Variants in TBL1XR1 observed in about 807,000 individuals in gnomAD.
The protein encoded by TBL1XR1 is F-box-like/WD repeat-containing protein TBL1XR1.
In TBL1XR1, 5 loss-of-function variants were observed where a neutral mutation model predicts 66.9. The ratio of observed to expected loss-of-function variants is 0.07; its 90% CI spans 0.04 to 0.16. The LOEUF is 0.16. TBL1XR1 is among the 10% of genes least tolerant of loss of function. TBL1XR1 has a pLI of 1.00. For synonymous variants in TBL1XR1, 210 were observed against 206.0 expected (o/e 1.02, Z -0.17); for missense variants, 238 against 623.2 (o/e 0.38, Z 6.58).
rs140373250 is a variant in TBL1XR1 at position 177,137,582 on chromosome 3, A to G, written c.-121-39041T>C. On this transcript the variant is annotated intron_variant, in intron 1 of 15. Coordinates refer to ENST00000457928, the MANE Select transcript of TBL1XR1 (RefSeq NM_024665.7). ...CATGTCTGGGAACATTTACAGTCAT[A>G]AATTAGCCAATTACAGTTCAAGGCA... 3.1e-3 allele frequency among the ~76,000 whole-genome samples: 476 copies of G among 152,360 alleles called. 3 individuals carry two copies. The highest frequency in any genetic ancestry group is 0.011 in the African/African-American group (441 of 41,576).
intron 1 of TBL1XR1, among the ~76,000 whole-genome samples, chr3:177,115,590 T>A (rs1196451532): frequency 6.6e-6 from 1 of 152,036 alleles, no homozygotes; most frequent in African/African-American, 2.4e-5. Context: ...CTGACCCCCC[T>A]TCAATCACAC....
At chr3:177,046,502 C>T (rs1358941844) in intron 9 of TBL1XR1, among the ~76,000 whole-genome samples, 2 of 152,040 alleles carry the variant, frequency 1.3e-5, no homozygotes, top group African/African-American at 4.8e-5. Flanking sequence ...TAATGTAAGA[C>T]TCGTATAGAT....
intron 1 of TBL1XR1, among the ~76,000 whole-genome samples, chr3:177,173,655 T>C (rs62296614): frequency 0.13 from 19,165 of 152,082 alleles, 1,561 homozygotes; most frequent in South Asian, 0.19. Context: ...AGAACCTGGA[T>C]TGGCTATTGG....
chr3:177,178,843 C>T (rs1020432101), intron 1 of TBL1XR1, among the ~76,000 whole-genome samples: 1 of 151,944 alleles, frequency 6.6e-6, no homozygotes, highest in Non-Finnish European at 1.5e-5. Context: ...ATCAGTCAGG[C>T]GCAGTGGTTC....
At chr3:177,112,108 T>TATATATATA (rs1553846589) in intron 1 of TBL1XR1, among the ~76,000 whole-genome samples, 29 of 35,672 alleles carry the variant, frequency 8.1e-4, no homozygotes, top group African/African-American at 3.0e-3. Flanking sequence ...TATATATATA[T>TATATATATA]TTTTTTTTTT....
intron 2 of TBL1XR1, among the ~76,000 whole-genome samples, chr3:177,077,309 G>C (rs1003747250): frequency 6.6e-6 from 1 of 151,986 alleles, no homozygotes; most frequent in African/African-American, 2.4e-5. Flanking sequence ...TATAAATATA[G>C]AGCAGGTAAG....
chr3:177,159,833 A>G (rs914739743), intron 1 of TBL1XR1, among the ~76,000 whole-genome samples: 3 of 152,194 alleles, frequency 2.0e-5, no homozygotes, highest in African/African-American at 7.2e-5. Context: ...GTTTCAAGAC[A>G]CTAGTTTTGC....
chr3:177,118,322 C>A (rs1342525369), intron 1 of TBL1XR1, among the ~76,000 whole-genome samples: 2 of 152,206 alleles, frequency 1.3e-5, no homozygotes, highest in East Asian at 1.9e-4. Flanking sequence ...AACAACTATA[C>A]GTCTTTCATG....
chr3:177,054,085 T>C (rs564915531), intron 3 of TBL1XR1, among the ~76,000 whole-genome samples, 167 bp from the exon 4 acceptor site: 1 of 149,676 alleles, frequency 6.7e-6, no homozygotes, highest in Non-Finnish European at 1.5e-5. Flanking sequence ...CGCGCGCGTG[T>C]GTGTGCATGT....
intron 1 of TBL1XR1, among the ~76,000 whole-genome samples, chr3:177,104,084 C>T (rs1724563337): frequency 6.7e-6 from 1 of 148,784 alleles, no homozygotes; most frequent in South Asian, 2.1e-4. Context: ...TCACTGCATT[C>T]CAGCCTGGGT....
At position 177,053,785 on chromosome 3, in the gene TBL1XR1, A is replaced by C; in HGVS notation, c.192T>G (p.Val64=). 4 of 1,612,284 alleles carry C rather than the reference A, an allele frequency of 2.5e-6. No individual in the cohort carries two copies. The highest frequency in any genetic ancestry group is 2.5e-6 in the Non-Finnish European group (3 of 1,179,626). ...QKGLQYVEAE[V]SINEDGTLFD... ...AAGTCTTCCTTACCTCATTAATACT[A>C]ACTTCTGCTTCTACATACTGTAGAC... Residue 64 remains valine (V), a synonymous_variant, in exon 4 of 16, where the codon GTT becomes GTG. Transcript: ENST00000457928.
At chr3:177,077,863 C>G (rs969485739) in intron 2 of TBL1XR1, among the ~76,000 whole-genome samples, 6 of 152,306 alleles carry the variant, frequency 3.9e-5, no homozygotes, top group African/African-American at 1.2e-4. Flanking sequence ...AACTGGACAA[C>G]AGTAAAAAGA....
At position 177,096,352 on chromosome 3, in the gene TBL1XR1, A is replaced by ACACACACACACACACT. The variant is rs1267056134; in HGVS notation, c.-46+2113_-46+2114insAGTGTGTGTGTGTGTG. On this transcript the variant is annotated intron_variant, in intron 2 of 15. Coordinates refer to ENST00000457928, the MANE Select transcript of TBL1XR1 (RefSeq NM_024665.7). ...TACATACATACACACACACACACAC[A>ACACACACACACACACT]CTTAAATTTCTGTGATCATGACATT... Among the ~76,000 whole-genome samples the ACACACACACACACACT allele has an allele frequency of 4.9e-4, 74 of 152,008 alleles. 1 individual carries two copies. In the Middle Eastern group the frequency reaches 0.014, roughly 28 times the overall value.
At chr3:177,177,524 T>C (rs952124023) in intron 1 of TBL1XR1, among the ~76,000 whole-genome samples, 26 of 152,220 alleles carry the variant, frequency 1.7e-4, no homozygotes, top group African/African-American at 5.3e-4. Flanking sequence ...CATTTTCAGA[T>C]TGGTCCATCA....
At chr3:177,132,403 T>G (rs1219666580) in intron 1 of TBL1XR1, among the ~76,000 whole-genome samples, 1 of 152,222 alleles carries the variant, frequency 6.6e-6, no homozygotes, top group Non-Finnish European at 1.5e-5. Context: ...TTGCTTGTGA[T>G]GTGCAACCTA....
chr3:177,160,131 T>C (rs1423202451), intron 1 of TBL1XR1, among the ~76,000 whole-genome samples: 2 of 151,964 alleles, frequency 1.3e-5, no homozygotes, highest in East Asian at 1.9e-4. Flanking sequence ...AACAAGTAAA[T>C]TGAAGAGCTG....
intron 2 of TBL1XR1, among the ~76,000 whole-genome samples, chr3:177,097,866 T>G (rs139794303): frequency 0.013 from 1,993 of 152,234 alleles, 15 homozygotes; most frequent in Non-Finnish European, 0.02. Context: ...ATAACAATAT[T>G]TTTCATCCTG....
chr3:177,108,314 T>G (rs955230995), intron 1 of TBL1XR1, among the ~76,000 whole-genome samples: 1 of 152,188 alleles, frequency 6.6e-6, no homozygotes, highest in Non-Finnish European at 1.5e-5. Flanking sequence ...ATGAAGTTCA[T>G]TAAGAAAATT....
intron 9 of TBL1XR1, 78 bp from the exon 10 acceptor site, chr3:177,046,267 A>G: frequency 2.0e-6 from 2 of 996,374 alleles, no homozygotes; most frequent in East Asian, 2.9e-5. Context: ...GCCTAACTGT[A>G]TTACAGCAAT....
Sources: gnomAD v4.1 joint callset for allele counts (sites outside exome capture counted in the v4.1 genomes callset) on GRCh38, gnomAD v4.1.1 for gene constraint, MANE v1.5 for transcripts, NCBI Gene and HGNC (gene_info 2026-07-23, HGNC 2026-07-21) for gene names.